PDE11A: variants seen among roughly 807,000 people sequenced by gnomAD.
PDE11A encodes the protein dual 3',5'-cyclic-AMP and -GMP phosphodiesterase 11A.
In PDE11A, 100 loss-of-function variants were observed where a neutral mutation model predicts 100.5. The ratio of observed to expected loss-of-function variants is 1.00; its 90% confidence interval spans 0.85 to 1.18. PDE11A has a LOEUF of 1.18. PDE11A is among the 50% of genes most tolerant of loss of function. PDE11A has a pLI of 0.00. For synonymous variants in PDE11A, 381 were observed against 420.8 expected, an observed-to-expected ratio of 0.91 and a Z score of 1.16; for missense variants, 1,141 against 1,152.6, an observed-to-expected ratio of 0.99 and a Z score of 0.15.
intron 13 of PDE11A, 157 bp from the exon 14 acceptor site, chr2:177,701,368 C>T (rs1156660795): frequency 3.1e-6 from 2 of 652,996 alleles, no homozygotes; most frequent in South Asian, 3.4e-5. Flanking sequence ...TGAAATAAAT[C>T]GTTCAGGAAC....
Position 178,071,942 on chromosome 2 carries a change from G to C in PDE11A, c.496C>G (p.Pro166Ala), listed in dbSNP as rs1159586684. ...GCACTGAGAATATGGGCTGTGGTGG[G>C]GGGCAGGGAGCTTGCCTTCCGGAGA... ...ALLRKASSLP[P>A]TTAHILSALL... The change falls in exon 1 of 20, where the codon CCC becomes GCC. Residue 166 changes from proline (P) to alanine (A), a missense_variant. Pro to Ala is a conservative substitution (Grantham distance 27). Transcript: ENST00000286063. 1 of 1,614,114 alleles carries C rather than the reference G, an allele frequency of 6.2e-7. No homozygotes were observed. The highest frequency in any genetic ancestry group is 8.5e-7 in the Non-Finnish European group (1 of 1,179,964).
intron 1 of PDE11A, among the ~76,000 whole-genome samples, chr2:178,023,093 C>G (rs942553018): frequency 6.6e-6 from 1 of 152,122 alleles, no homozygotes; most frequent in Non-Finnish European, 1.5e-5. Context: ...ACCTGTGCCT[C>G]CTTCATAGAG....
intron 14 of PDE11A, 94 bp from the exon 15 acceptor site, chr2:177,697,526 T>TAA (rs988783520): frequency 1.4e-6 from 1 of 714,552 alleles, no homozygotes; most frequent in African/African-American, 1.8e-5. Flanking sequence ...CTGGGAACAT[T>TAA]AAAAAAATCA....
chr2:177,709,605 T>A (rs1164127056), intron 13 of PDE11A, among the ~76,000 whole-genome samples: 1 of 152,160 alleles, frequency 6.6e-6, no homozygotes, highest in Non-Finnish European at 1.5e-5. Context: ...CATCAGCAGA[T>A]GGCTGGTGGC....
At chr2:177,796,982 C>T (rs1263692950) in intron 9 of PDE11A, 1 of 152,174 alleles carries the variant, frequency 6.6e-6, no homozygotes, top group East Asian at 1.9e-4. Context: ...TCCTTACTGA[C>T]AAGTTAGTAA....
In PDE11A at chr2:178,104,359, C is replaced by T. The variant is rs765074966; in HGVS notation, c.105G>A (p.Leu35=). 9 of 1,613,874 alleles carry T rather than the reference C, an allele frequency of 5.6e-6. No homozygotes were observed. In the African/African-American group the frequency reaches 1.1e-4, roughly 19 times the overall value. Residue 35 remains leucine, a synonymous_variant, in exon 2 of 21, where the codon TTG becomes TTA. Transcript: ENST00000358450. ...CCTGGTGCTTTTCCTGTTTTTCAGC[C>T]AAAGAGGCCCCAGAGATTTGGACCA... is the stretch of plus-strand genomic sequence containing the variant.
chr2:178,006,619 C>T (rs1392267433), intron 2 of PDE11A, among the ~76,000 whole-genome samples: 2 of 152,092 alleles, frequency 1.3e-5, no homozygotes, highest in African/African-American at 2.4e-5. Context: ...TCCCATAAAT[C>T]TTGGTTGTTG....
intron 9 of PDE11A, among the ~76,000 whole-genome samples, chr2:177,790,682 CA>C (rs1319467212): frequency 6.6e-6 from 1 of 152,060 alleles, no homozygotes. Flanking sequence ...TAAACTCAAA[CA>C]AATTTACAAG....
intron 2 of PDE11A, among the ~76,000 whole-genome samples, chr2:177,969,561 G>C (rs1401785027): frequency 6.6e-6 from 1 of 152,142 alleles, no homozygotes; most frequent in African/African-American, 2.4e-5. Context: ...GAACAGAGAT[G>C]TGCCCTGTAA....
chr2:177,979,197 G>T (rs1228143049), intron 2 of PDE11A, among the ~76,000 whole-genome samples: 1 of 150,124 alleles, frequency 6.7e-6, no homozygotes, highest in African/African-American at 2.4e-5. Context: ...GCATGCATAT[G>T]TCCCAGATTG....
intron 15 of PDE11A, among the ~76,000 whole-genome samples, chr2:177,694,642 T>C: frequency 6.6e-6 from 1 of 152,186 alleles, no homozygotes; most frequent in East Asian, 1.9e-4. Context: ...GAGCTGGGAT[T>C]TTAATTTTTA....
intron 1 of PDE11A, among the ~76,000 whole-genome samples, chr2:178,040,153 CT>C (rs959364806): frequency 2.6e-5 from 4 of 151,582 alleles, no homozygotes; most frequent in African/African-American, 4.9e-5. Flanking sequence ...CAACCTCCAC[CT>C]TCTGGATTCA....
chr2:177,638,071 C>T (rs2080077573), intron 19 of PDE11A, among the ~76,000 whole-genome samples: 2 of 147,998 alleles, frequency 1.4e-5, no homozygotes, highest in Non-Finnish European at 3.0e-5. Flanking sequence ...GCGATCTCCG[C>T]TCACTGCAAG....
At chr2:178,052,883 AC>A (rs1185631757) in intron 1 of PDE11A, among the ~76,000 whole-genome samples, 1 of 152,166 alleles carries the variant, frequency 6.6e-6, no homozygotes, top group African/African-American at 2.4e-5. Context: ...GAGCCTACCA[AC>A]AAAAAAAAGT....
At chr2:177,969,962 T>C (rs1312833371) in intron 2 of PDE11A, among the ~76,000 whole-genome samples, 1 of 152,212 alleles carries the variant, frequency 6.6e-6, no homozygotes, top group Non-Finnish European at 1.5e-5. Context: ...GATAATTCTA[T>C]CCAAGAAACA....
At chr2:177,738,555 T>C (rs3770035) in intron 10 of PDE11A, among the ~76,000 whole-genome samples, 4,614 of 152,296 alleles carry the variant, frequency 0.03, 422 homozygotes, top group Admixed American at 0.18. Context: ...GTCTTGGTTC[T>C]GCTCAGACCT....
intron 2 of PDE11A, among the ~76,000 whole-genome samples, chr2:178,085,210 A>G (rs1271628290): frequency 6.6e-6 from 1 of 152,190 alleles, no homozygotes; most frequent in Non-Finnish European, 1.5e-5. Flanking sequence ...CTATCACCAA[A>G]ATATATGGCC....
intron 2 of PDE11A, among the ~76,000 whole-genome samples, chr2:177,933,416 C>T (rs1438293627): frequency 2.6e-5 from 4 of 152,148 alleles, no homozygotes; most frequent in Non-Finnish European, 4.4e-5. Context: ...CACAGTGGCT[C>T]ATACCTGTAA....
intron 2 of PDE11A, among the ~76,000 whole-genome samples, chr2:177,956,476 T>C (rs1243582322): frequency 6.6e-6 from 1 of 152,184 alleles, no homozygotes; most frequent in African/African-American, 2.4e-5. Context: ...TGTAAACTAG[T>C]TCAACCATTG....
Sources: allele counts gnomAD v4.1 joint callset (sites outside exome capture counted in the v4.1 genomes callset), GRCh38; gene constraint gnomAD v4.1.1; transcripts MANE v1.5; gene names NCBI Gene and HGNC (gene_info 2026-07-23, HGNC 2026-07-21).